Variants in ZPBP observed in about 807,000 individuals in gnomAD.
ZPBP encodes zona pellucida-binding protein 1.
In ZPBP, 26 loss-of-function variants were observed where a neutral mutation model predicts 44.8. The ratio of observed to expected loss-of-function variants is 0.58; its 90% CI spans 0.43 to 0.81. ZPBP has a LOEUF of 0.81. ZPBP is among the 30% of genes least tolerant of loss of function. ZPBP has a pLI of 0.00. For synonymous variants in ZPBP, 174 were observed against 153.2 expected (o/e 1.14, Z -1.00); for missense variants, 409 against 434.0 (o/e 0.94, Z 0.51).
intron 2 of ZPBP, among the ~76,000 whole-genome samples, chr7:49,867,782 C>T (rs1790967202): frequency 6.6e-6 from 1 of 152,178 alleles, no homozygotes; most frequent in South Asian, 2.1e-4. Flanking sequence ...GGGCTGCCTA[C>T]AGCAGCCTTT....
At chr7:49,942,339 T>C in intron 7 of ZPBP, 1 of 215,144 alleles carries the variant, frequency 4.6e-6, no homozygotes, top group Non-Finnish European at 9.2e-6. Flanking sequence ...ACATTGTGTG[T>C]TTCATAGTAG....
At chr7:50,030,627 A>G (rs1303732453) in intron 5 of ZPBP, among the ~76,000 whole-genome samples, 1 of 152,138 alleles carries the variant, frequency 6.6e-6, no homozygotes, top group Non-Finnish European at 1.5e-5. Flanking sequence ...CTAAGTGGTC[A>G]TTCATAAACC....
intron 6 of ZPBP, among the ~76,000 whole-genome samples, chr7:50,016,228 C>T (rs1449948236): frequency 1.3e-5 from 2 of 152,140 alleles, no homozygotes; most frequent in Admixed American, 1.3e-4. Flanking sequence ...TACTATGCAG[C>T]CATAAAAAAG....
At chr7:49,840,844 T>A in the ZPBP span, among the ~76,000 whole-genome samples, 2 of 152,196 alleles carry the variant, frequency 1.3e-5, no homozygotes, top group South Asian at 4.2e-4. Flanking sequence ...TCCCTCTCCA[T>A]CCTTTCTCTG....
chr7:49,984,154 T>A (rs1797146374), intron 6 of ZPBP, among the ~76,000 whole-genome samples: 2 of 152,154 alleles, frequency 1.3e-5, no homozygotes, highest in Non-Finnish European at 2.9e-5. Context: ...GTTCTACTCA[T>A]TCTGCCACAC....
chr7:49,846,647 G>C (rs1184230198), downstream of ZPBP, among the ~76,000 whole-genome samples: 1 of 152,124 alleles, frequency 6.6e-6, no homozygotes, highest in Non-Finnish European at 1.5e-5. Flanking sequence ...TTTCCTGCAT[G>C]AAACTGTGAG....
rs375493358 is a variant in ZPBP at position 49,923,696 on chromosome 7, A to G, written n.411+12055T>C. On this transcript the variant is annotated intron_variant and non_coding_transcript_variant, in intron 1 of 2. Coordinates refer to the ZPBP transcript ENST00000465922. ...TTCTTGTTTTTTTATTGCTTCCTTC[A>G]CCTTTCATTGTAAATCCTTTTCCCT... 1.1e-4 allele frequency among the ~76,000 whole-genome samples: 16 copies of G among 151,874 alleles called. No individual in the cohort carries two copies. The East Asian group carries it at 3.1e-3, about 29-fold the overall frequency.
chr7:49,975,328 G>A (rs557060746), intron 7 of ZPBP, among the ~76,000 whole-genome samples: 7 of 152,276 alleles, frequency 4.6e-5, no homozygotes, highest in Middle Eastern at 3.4e-3. Flanking sequence ...CCAGGTCCGG[G>A]AGCAAGTTTG....
intron 2 of ZPBP, among the ~76,000 whole-genome samples, chr7:49,892,845 C>CT (rs1792202660): frequency 6.6e-6 from 1 of 152,186 alleles, no homozygotes; most frequent in African/African-American, 2.4e-5. Context: ...GAAAAGACTT[C>CT]TATGGTCAAG....
intron 2 of ZPBP, among the ~76,000 whole-genome samples, chr7:49,856,587 A>C (rs1790425482): frequency 6.6e-6 from 1 of 152,216 alleles, no homozygotes; most frequent in South Asian, 2.1e-4. Context: ...GTATATAAAA[A>C]ACTTCACACA....
chr7:50,067,492 T>C (rs1191230513), intron 3 of ZPBP, among the ~76,000 whole-genome samples: 3 of 152,210 alleles, frequency 2.0e-5, no homozygotes, highest in African/African-American at 4.8e-5. Context: ...GAAGTTTCTA[T>C]AGGCAAAGAC....
chr7:50,022,123 G>A (rs190973643), intron 5 of ZPBP, among the ~76,000 whole-genome samples: 2 of 151,940 alleles, frequency 1.3e-5, no homozygotes, highest in Non-Finnish European at 1.5e-5. Context: ...GAGAATCTAC[G>A]ATCTTCCAAA....
In ZPBP at chr7:50,079,404, T is replaced by C. The variant is rs144211053; in HGVS notation, c.334+2370A>G. On this transcript the variant is annotated intron_variant, in intron 3 of 7. Coordinates refer to ENST00000046087, the MANE Select transcript of ZPBP (RefSeq NM_007009.3). Reference sequence around the variant, plus strand: ...GACACATAGTAATCTTATGTATTTATTATTTTTATAAAATTCACTGTGCTA... The same window carrying C: ...GACACATAGTAATCTTATGTATTTACTATTTTTATAAAATTCACTGTGCTA... Among the ~76,000 whole-genome samples, 58 of 151,764 alleles carry C rather than the reference T, an allele frequency of 3.8e-4. 2 individuals carry two copies. The East Asian group carries it at 9.1e-3, about 24-fold the overall frequency.
At chr7:49,852,464 C>G (rs1790219266) in intron 2 of ZPBP, among the ~76,000 whole-genome samples, 1 of 152,148 alleles carries the variant, frequency 6.6e-6, no homozygotes, top group Non-Finnish European at 1.5e-5. Context: ...ATGGCCTAGC[C>G]CTTTAGGGAG....
At chr7:49,850,179 A>G (rs2128716201), downstream of ZPBP, among the ~76,000 whole-genome samples, 1 of 152,340 alleles carries the variant, frequency 6.6e-6, no homozygotes, top group South Asian at 2.1e-4. Context: ...TGAGCATAGT[A>G]CCACAACACA....
chr7:49,860,334 T>G (rs1790599407), intron 2 of ZPBP, among the ~76,000 whole-genome samples: 1 of 152,250 alleles, frequency 6.6e-6, no homozygotes, highest in East Asian at 1.9e-4. Flanking sequence ...CTATTTCACA[T>G]GAGTAGACTC....
In ZPBP at chr7:50,090,485, GTGTGTGTA is replaced by G. The variant is rs932987376; in HGVS notation, c.128-784_128-777del. Reference sequence around the variant, plus strand: ...TATATATATTTATGTTTGTGTGTGTGTGTGTGTATATGAGTGTATATATATGTGTATAT... The same window carrying G: ...TATATATATTTATGTTTGTGTGTGTGTATGAGTGTATATATATGTGTATAT... On this transcript the variant is annotated intron_variant, in intron 1 of 7. Transcript: ENST00000046087. Among the ~76,000 whole-genome samples the G allele has an allele frequency of 4.8e-4, 72 of 151,268 alleles. 1 individual carries two copies. Among genetic ancestry groups the G allele is most frequent in the African/African-American group, 1.8e-3 (72 of 41,010 alleles).
chr7:49,858,446 A>C (rs1790512791), intron 2 of ZPBP, among the ~76,000 whole-genome samples: 1 of 151,892 alleles, frequency 6.6e-6, no homozygotes, highest in Admixed American at 6.6e-5. Context: ...TCAGCAAACT[A>C]TCGCAAGGAC....
At chr7:50,030,800 C>T (rs938601496) in intron 5 of ZPBP, among the ~76,000 whole-genome samples, 3 of 152,076 alleles carry the variant, frequency 2.0e-5, no homozygotes, top group Non-Finnish European at 2.9e-5. Flanking sequence ...GATGATTTTA[C>T]AAATTAAATC....
Sources: allele counts gnomAD v4.1 joint callset (sites outside exome capture counted in the v4.1 genomes callset), GRCh38; gene constraint gnomAD v4.1.1; transcripts MANE v1.5; gene names NCBI Gene and HGNC (gene_info 2026-07-23, HGNC 2026-07-21).